CDH20: variants seen among roughly 807,000 people sequenced by gnomAD.
CDH20 encodes cadherin 20.
Under a neutral mutation model 74.2 loss-of-function variants are expected in CDH20, and 29 were observed. That is an observed-to-expected ratio of 0.39 (90% CI 0.29 to 0.53). The LOEUF (loss-of-function observed/expected upper bound fraction) is 0.53. Ranked by LOEUF, CDH20 falls within the 20% of genes least tolerant of loss-of-function variation. The pLI is 0.69. For missense variants in CDH20, 988 were observed against 1,048.3 expected, an observed-to-expected ratio of 0.94 and a Z score of 0.79; for synonymous variants, 469 against 405.4, an observed-to-expected ratio of 1.16 and a Z score of -1.88.
chr18:61,431,991 C>T (rs1913270402), intron 1 of CDH20, among the ~76,000 whole-genome samples: 1 of 152,016 alleles, frequency 6.6e-6, no homozygotes, highest in African/African-American at 2.4e-5. Context: ...AATCCCAGCA[C>T]TTTGGGATGT....
rs182189676 is a variant in CDH20 at position 61,495,013 on chromosome 18, C to T, written c.247-4173C>T. On this transcript the variant is annotated intron_variant, in intron 2 of 11. Coordinates refer to ENST00000262717, the MANE Select transcript of CDH20 (RefSeq NM_031891.4). Reference sequence around the variant, plus strand: ...TTCCCATCACTCACTACTCCCTTGGCTGAAGATCTTAAAAACTAAAGAATG... The same window carrying T: ...TTCCCATCACTCACTACTCCCTTGGTTGAAGATCTTAAAAACTAAAGAATG... 1.6e-3 allele frequency among the ~76,000 whole-genome samples: 248 copies of T among 152,278 alleles called. 1 individual carries two copies. The highest frequency in any genetic ancestry group is 7.4e-4 in the Non-Finnish European group (50 of 68,010).
chr18:61,367,675 C>T (rs1910905192), intron 1 of CDH20, among the ~76,000 whole-genome samples: 1 of 152,136 alleles, frequency 6.6e-6, no homozygotes, highest in Non-Finnish European at 1.5e-5. Context: ...TCCTCTTCTA[C>T]ATTTAAAGAA....
At chr18:61,348,104 T>C (rs530627224) in intron 1 of CDH20, among the ~76,000 whole-genome samples, 6 of 152,314 alleles carry the variant, frequency 3.9e-5, no homozygotes, top group Admixed American at 3.9e-4. Flanking sequence ...ATTTCATTTT[T>C]TTGGGGGGGT....
rs373768638 is a variant in CDH20 at position 61,507,470 on chromosome 18, G to T, written c.927G>T (p.Met309Ile). 6.2e-7 allele frequency: 1 copy of T among 1,613,882 alleles called. No homozygotes were observed. The highest frequency in any genetic ancestry group is 1.3e-5 in the African/African-American group (1 of 74,914). ...TGGATGAAGGCATCAATGCAGAGATGAAATATACTATTGTGGATGGAGATG... is the reference window on the plus strand; with the variant it reads ...TGGATGAAGGCATCAATGCAGAGATTAAATATACTATTGTGGATGGAGATG... Reference protein sequence around the residue: ...KDLDEGINAEMKYTIVDGDGA... With the variant: ...KDLDEGINAEIKYTIVDGDGA... The change falls in exon 6 of 12, where the codon ATG becomes ATT. Residue 309 changes from methionine to isoleucine, a missense_variant. Met to Ile is a conservative substitution (Grantham distance 10). Coordinates refer to ENST00000262717, the MANE Select transcript of CDH20 (RefSeq NM_031891.4).
At chr18:61,464,361 T>C (rs1909892330) in intron 1 of CDH20, among the ~76,000 whole-genome samples, 1 of 152,048 alleles carries the variant, frequency 6.6e-6, no homozygotes, top group Non-Finnish European at 1.5e-5. Context: ...TTATTTTTCC[T>C]GTCCAAACCT....
chr18:61,358,861 C>G (rs556655602), intron 1 of CDH20, among the ~76,000 whole-genome samples: 2 of 152,158 alleles, frequency 1.3e-5, no homozygotes, highest in South Asian at 4.1e-4. Context: ...ATTCACTGGA[C>G]TTTTGGTTTC....
chr18:61,507,699 A>T, intron 6 of CDH20, 139 bp downstream of exon 6: 2 of 554,976 alleles, frequency 3.6e-6, no homozygotes, highest in Non-Finnish European at 5.9e-6. Flanking sequence ...TAAAAAAAAA[A>T]ACACACAGAA....
intron 1 of CDH20, among the ~76,000 whole-genome samples, chr18:61,451,352 C>G (rs925849451): frequency 1.3e-4 from 19 of 151,952 alleles, no homozygotes; most frequent in Non-Finnish European, 2.7e-4. Flanking sequence ...AATAAATACT[C>G]AAAGTATAGT....
In CDH20 at chr18:61,550,196, A is replaced by C. The variant is rs759557119; in HGVS notation, c.1867A>C (p.Ile623Leu). 1.4e-5 allele frequency: 22 copies of C among 1,613,912 alleles called. No homozygotes were observed. Among genetic ancestry groups the C allele is most frequent in the Non-Finnish European group, 1.8e-5 (21 of 1,180,002 alleles). ...AGTCAGTTTGAGCCGGGGCGCCCTC[A>C]TTGCCATCCTCGCCTGCATCTTTGT... ...LPVSLSRGALIAILACIFVLL... is the reference protein window; with the variant it reads ...LPVSLSRGALLAILACIFVLL... The change falls in exon 11 of 12, where the codon ATT becomes CTT. Residue 623 changes from isoleucine to leucine, a missense_variant. This residue lies in a region of CDH20 where 375 missense variants were observed against 293.1 expected (regional missense o/e 1.28). Transcript: ENST00000262717.
chr18:61,406,940 AT>A (rs1912349570), intron 1 of CDH20, among the ~76,000 whole-genome samples: 1 of 152,238 alleles, frequency 6.6e-6, no homozygotes. Flanking sequence ...GAATAAGAAT[AT>A]GATAACTATC....
At chr18:61,427,960 C>T (rs1017401692) in intron 1 of CDH20, among the ~76,000 whole-genome samples, 8 of 152,148 alleles carry the variant, frequency 5.3e-5, no homozygotes, top group East Asian at 1.9e-4. Context: ...GCACATACTT[C>T]GTTTCTGGTG....
chr18:61,476,333 T>G (rs1216529509), intron 1 of CDH20, among the ~76,000 whole-genome samples: 2 of 152,116 alleles, frequency 1.3e-5, no homozygotes, highest in Non-Finnish European at 2.9e-5. Context: ...GAGACAAAGA[T>G]GCCCGGCAGC....
intron 2 of CDH20, among the ~76,000 whole-genome samples, chr18:61,492,636 C>CA (rs1234860071): frequency 6.6e-6 from 1 of 152,174 alleles, no homozygotes; most frequent in East Asian, 1.9e-4. Context: ...TACAACCTGT[C>CA]AAGCACTGCC....
chr18:61,502,069 T>C (rs954450419), intron 4 of CDH20, among the ~76,000 whole-genome samples: 7 of 152,224 alleles, frequency 4.6e-5, no homozygotes, highest in African/African-American at 1.7e-4. Flanking sequence ...CCTTCCATTT[T>C]CATGCAAAAG....
chr18:61,366,581 T>G (rs973610361), intron 1 of CDH20, among the ~76,000 whole-genome samples: 1 of 152,154 alleles, frequency 6.6e-6, no homozygotes, highest in Non-Finnish European at 1.5e-5. Flanking sequence ...GGATTTGTAT[T>G]TCTTAATTTT....
At chr18:61,423,270 AG>A (rs1912951556) in intron 1 of CDH20, among the ~76,000 whole-genome samples, 1 of 152,196 alleles carries the variant, frequency 6.6e-6, no homozygotes, top group African/African-American at 2.4e-5. Flanking sequence ...CTGCCCTCTC[AG>A]GGTCTCTCTT....
rs151302520 is a variant in CDH20, at chr18:61,350,767, A to C, written c.-153+16940A>C. 4.1e-3 allele frequency among the ~76,000 whole-genome samples: 629 copies of C among 152,322 alleles called. 1 individual carries two copies. Among genetic ancestry groups the C allele is most frequent in the Middle Eastern group, 0.01 (3 of 294 alleles). On this transcript the variant is annotated intron_variant, in intron 1 of 11. Transcript: ENST00000262717. ...TGACTCAGAAATTTGGGCTGCTTCC[A>C]TCTGGTGGCTCTGCCTCCTCTAGGT...
At chr18:61,463,348 G>T (rs549538154) in intron 1 of CDH20, among the ~76,000 whole-genome samples, 20 of 152,188 alleles carry the variant, frequency 1.3e-4, no homozygotes, top group African/African-American at 4.6e-4. Flanking sequence ...GCTTTTCCTT[G>T]GTGGTCTGTG....
At chr18:61,372,444 T>A (rs1911075816) in intron 1 of CDH20, among the ~76,000 whole-genome samples, 1 of 152,096 alleles carries the variant, frequency 6.6e-6, no homozygotes, top group South Asian at 2.1e-4. Flanking sequence ...CAGGAAATAC[T>A]TTATCAGAAG....
Sources: allele counts gnomAD v4.1 joint callset (sites outside exome capture counted in the v4.1 genomes callset), GRCh38; gene constraint gnomAD v4.1.1; regional missense constraint gnomAD v4.1.1; transcripts MANE v1.5; gene names NCBI Gene and HGNC (gene_info 2026-07-23, HGNC 2026-07-21).